MAP3K20: variants seen among roughly 807,000 people sequenced by gnomAD.
MAP3K20 encodes the protein HCCS-4.
A neutral mutation model predicts 85.7 loss-of-function variants in MAP3K20; 40 were observed. That is an observed-to-expected ratio of 0.47 (90% CI 0.36 to 0.61). The LOEUF (loss-of-function observed/expected upper bound fraction) is 0.61, where lower values mean the gene tolerates loss of function less well. Among genes scored for constraint, MAP3K20 ranks in the 20% least tolerant of loss-of-function variants. The pLI is 0.00. For missense variants in MAP3K20, 817 were observed against 961.7 expected, an observed-to-expected ratio of 0.85 and a Z score of 1.99; for synonymous variants, 325 against 327.7, an observed-to-expected ratio of 0.99 and a Z score of 0.09.
intron 2 of MAP3K20, among the ~76,000 whole-genome samples, chr2:173,156,881 G>C (rs371115364): frequency 1.3e-5 from 2 of 152,336 alleles, no homozygotes; most frequent in East Asian, 3.9e-4. Context: ...CCTTTGATTA[G>C]GCCAGTGTTT....
At chr2:173,262,282 G>A (rs1685313332) in intron 18 of MAP3K20, among the ~76,000 whole-genome samples, 1 of 152,170 alleles carries the variant, frequency 6.6e-6, no homozygotes, top group Non-Finnish European at 1.5e-5. Context: ...TGGGCTGCCA[G>A]GATTTGGCTT....
intron 16 of MAP3K20, among the ~76,000 whole-genome samples, chr2:173,245,310 G>A (rs994377404): frequency 6.6e-6 from 1 of 152,102 alleles, no homozygotes; most frequent in Non-Finnish European, 1.5e-5. Context: ...GGCACAAAGC[G>A]AGGTTGATCT....
intron 11 of MAP3K20, chr2:173,223,790 T>C (rs938328966): frequency 2.0e-6 from 2 of 985,404 alleles, no homozygotes; most frequent in South Asian, 4.7e-5. Flanking sequence ...ACACAGCCTG[T>C]CTGTGCTCAG....
intron 11 of MAP3K20, chr2:173,221,502 A>C: frequency 6.3e-7 from 1 of 1,598,754 alleles, no homozygotes; most frequent in Non-Finnish European, 8.6e-7. Flanking sequence ...GGTGAGGAGG[A>C]GGATAATGAC....
rs192504601 is a variant in MAP3K20, at chr2:173,101,097, G to A, written c.159+9907G>A. Among the ~76,000 whole-genome samples, 1,201 of 152,288 alleles carry A rather than the reference G, an allele frequency of 7.9e-3. 19 individuals carry two copies. The highest frequency in any genetic ancestry group is 7.9e-3 in the Non-Finnish European group (536 of 68,030). On this transcript the variant is annotated intron_variant, in intron 2 of 19. Transcript: ENST00000375213. ...AAACCTTAGGAGAGAGGTCACTGAG[G>A]AAGAGCCACCAGAAAGGCTTCTCCT...
intron 2 of MAP3K20, among the ~76,000 whole-genome samples, chr2:173,150,659 G>A (rs1372968951): frequency 1.3e-5 from 2 of 152,228 alleles, no homozygotes; most frequent in African/African-American, 2.4e-5. Flanking sequence ...TCTGCCTCCC[G>A]GGTTCGAGCA....
At chr2:173,260,876 T>G (rs928547480) in intron 17 of MAP3K20, among the ~76,000 whole-genome samples, 187 bp from the exon 18 acceptor site, 4 of 152,222 alleles carry the variant, frequency 2.6e-5, no homozygotes, top group African/African-American at 9.6e-5. Context: ...GGATGTCTTA[T>G]GAAAAGCAAA....
intron 16 of MAP3K20, among the ~76,000 whole-genome samples, chr2:173,243,048 G>A (rs1331497627): frequency 6.6e-6 from 1 of 152,138 alleles, no homozygotes; most frequent in African/African-American, 2.4e-5. Flanking sequence ...CATTTACTGA[G>A]GACCTACTTT....
intron 16 of MAP3K20, among the ~76,000 whole-genome samples, chr2:173,252,948 C>T (rs972014679): frequency 2.6e-5 from 4 of 152,186 alleles, no homozygotes; most frequent in African/African-American, 7.2e-5. Context: ...TAAGAAGATA[C>T]GAATTTATTC....
intron 7 of MAP3K20, chr2:173,192,944 C>T (rs555444922): frequency 6.6e-6 from 1 of 152,304 alleles, no homozygotes; most frequent in Admixed American, 6.5e-5. Context: ...CACTTACAGT[C>T]TCTGTTGCAT....
Position 173,263,906 on chromosome 2 carries a change from GTTCCCGTATTAGATGTGTGCTAGA to G in MAP3K20, c.1702+16_1702+39del. On this transcript the variant is annotated intron_variant, in intron 19 of 19. Coordinates refer to ENST00000375213, the MANE Select transcript of MAP3K20 (RefSeq NM_016653.3). Reference sequence around the variant, plus strand: ...GCAGGTCCGACTCAAGTAAGTTAGTGTTCCCGTATTAGATGTGTGCTAGATTCCAGAAACTTAATTATGACATTT... The same window carrying G: ...GCAGGTCCGACTCAAGTAAGTTAGTGTTCCAGAAACTTAATTATGACATTT... The G allele has an allele frequency of 6.2e-7, 1 of 1,605,128 alleles. No individual in the cohort carries two copies. The highest frequency in any genetic ancestry group is 2.2e-5 in the East Asian group (1 of 44,782).
chr2:173,252,519 A>G (rs1030628632), intron 16 of MAP3K20, among the ~76,000 whole-genome samples: 3 of 152,198 alleles, frequency 2.0e-5, no homozygotes, highest in African/African-American at 7.2e-5. Context: ...CATGTCAAAC[A>G]CACACATTCC....
At chr2:173,181,337 C>T (rs1357827161) in intron 3 of MAP3K20, among the ~76,000 whole-genome samples, 1 of 150,482 alleles carries the variant, frequency 6.6e-6, no homozygotes, top group Non-Finnish European at 1.5e-5. Flanking sequence ...TGAGACTAGC[C>T]AAGGCACCAT....
intron 11 of MAP3K20, among the ~76,000 whole-genome samples, chr2:173,228,079 CAAGGGCAACCCTGGAGGG>C (rs773653717): frequency 1.3e-4 from 20 of 152,306 alleles, no homozygotes; most frequent in Non-Finnish European, 2.1e-4. Context: ...TCCGAGGAGG[CAAGGGCAACCCTGGAGGG>C]AAGGGAAGCA....
At position 173,266,724 on chromosome 2, in the gene MAP3K20, G is replaced by A. The variant is rs1238976186; in HGVS notation, c.2377G>A (p.Asp793Asn). 1 of 1,550,124 alleles carries A rather than the reference G, an allele frequency of 6.5e-7. No homozygotes were observed. Among genetic ancestry groups the A allele is most frequent in the Non-Finnish European group, 8.7e-7 (1 of 1,148,480 alleles). Residue 793 changes from aspartate to asparagine, a missense_variant, in exon 20 of 20, where the codon GAC becomes AAC. Physicochemically the swap from Asp to Asn is conservative, Grantham distance 23. Around this residue, in one of 4 missense-constraint regions of MAP3K20, gnomAD observed 454 missense variants for 476.9 expected, o/e 0.95. Transcript: ENST00000375213. ...AACCAATAAAGAGAGAGCCAGAGGG[G>A]ACCACCGTGGATGGAGAAACTTTTG... ...AKTNKERARG[D>N]HRGWRNF
chr2:173,094,143 A>T (rs556749527), intron 2 of MAP3K20, among the ~76,000 whole-genome samples: 9 of 152,188 alleles, frequency 5.9e-5, no homozygotes, highest in Non-Finnish European at 1.3e-4. Flanking sequence ...GTATAATAAA[A>T]AAAAATTTTT....
intron 2 of MAP3K20, among the ~76,000 whole-genome samples, chr2:173,134,505 A>G (rs10211033): frequency 0.45 from 57,339 of 128,210 alleles, 14,770 homozygotes; most frequent in African/African-American, 0.7. Flanking sequence ...GACCTCAAGT[A>G]ATCCGCCCGT....
chr2:173,122,285 C>T (rs140846890), intron 2 of MAP3K20, among the ~76,000 whole-genome samples: 10 of 152,316 alleles, frequency 6.6e-5, no homozygotes, highest in African/African-American at 1.9e-4. Context: ...AAGCTGTGGA[C>T]GTAGACTTTC....
Position 173,091,204 on chromosome 2 carries a change from C to T in MAP3K20, c.159+14C>T. 1 of 1,606,058 alleles carries T rather than the reference C, an allele frequency of 6.2e-7. No homozygotes were observed. Among genetic ancestry groups the T allele is most frequent in the Non-Finnish European group, 8.5e-7 (1 of 1,175,486 alleles). Reference sequence around the variant, plus strand: ...ATAGAGAAAGAGGTAAGGTCTTTTCCAGCTGACAGAAACAGTCACGATACC... The same window carrying T: ...ATAGAGAAAGAGGTAAGGTCTTTTCTAGCTGACAGAAACAGTCACGATACC... On this transcript the variant is annotated intron_variant, in intron 2 of 19. Coordinates refer to ENST00000375213, the MANE Select transcript of MAP3K20 (RefSeq NM_016653.3).
Sources: gnomAD v4.1 joint callset for allele counts (sites outside exome capture counted in the v4.1 genomes callset) on GRCh38, gnomAD v4.1.1 for gene constraint, gnomAD v4.1.1 regional missense constraint, MANE v1.5 for transcripts, NCBI Gene and HGNC (gene_info 2026-07-23, HGNC 2026-07-21) for gene names.